Variants in SGCZ observed in about 807,000 individuals in gnomAD.
SGCZ encodes the protein sarcoglycan zeta, also known as zeta-sarcoglycan.
Under a neutral mutation model 41.3 loss-of-function variants are expected in SGCZ, and 40 were observed. The ratio of observed to expected loss-of-function variants is 0.97; its 90% confidence interval spans 0.75 to 1.26. SGCZ has a LOEUF of 1.26. Among genes scored for constraint, SGCZ ranks in the 50% most tolerant of loss-of-function variants. The pLI is 0.00. For missense variants in SGCZ, 552 were observed against 369.8 expected (o/e 1.49, Z -4.04); for synonymous variants, 206 against 137.5 (o/e 1.50, Z -3.49).
intron 1 of SGCZ, among the ~76,000 whole-genome samples, chr8:14,954,088 C>G (rs1563388255): frequency 1.3e-5 from 2 of 152,042 alleles, no homozygotes; most frequent in African/African-American, 4.8e-5. Context: ...CTTAATTTAG[C>G]CTTAAATTCA....
At chr8:14,695,805 G>C (rs1808942548) in intron 1 of SGCZ, among the ~76,000 whole-genome samples, 1 of 151,922 alleles carries the variant, frequency 6.6e-6, no homozygotes, top group Non-Finnish European at 1.5e-5. Flanking sequence ...AAAGTGATGA[G>C]GAGGGGGCCA....
chr8:14,594,824 G>A (rs373139561), intron 1 of SGCZ, among the ~76,000 whole-genome samples: 7 of 151,734 alleles, frequency 4.6e-5, no homozygotes, highest in East Asian at 1.9e-4. Flanking sequence ...ATGTTATGAC[G>A]TAAGACGTTT....
At chr8:15,001,134 G>C (rs925217012) in intron 1 of SGCZ, among the ~76,000 whole-genome samples, 1 of 152,216 alleles carries the variant, frequency 6.6e-6, no homozygotes, top group Non-Finnish European at 1.5e-5. Context: ...CAAAGATTGG[G>C]AGGATGAAAT....
chr8:14,812,309 T>G (rs1801761229), intron 1 of SGCZ, among the ~76,000 whole-genome samples: 1 of 152,074 alleles, frequency 6.6e-6, no homozygotes, highest in South Asian at 2.1e-4. Flanking sequence ...GTCTCTGCCC[T>G]GCTAAAAGGA....
chr8:14,470,923 A>G (rs767921430), intron 2 of SGCZ, among the ~76,000 whole-genome samples: 3 of 152,100 alleles, frequency 2.0e-5, no homozygotes, highest in African/African-American at 2.4e-5. Context: ...TGCTTATCAG[A>G]TCTTTAGTAA....
chr8:14,669,369 GTAAGTAAGTAAGTAAGTAAA>G (rs1363690069), intron 1 of SGCZ, among the ~76,000 whole-genome samples: 7 of 94,524 alleles, frequency 7.4e-5, no homozygotes, highest in African/African-American at 2.5e-4. Flanking sequence ...AAGTAAGTAA[GTAAGTAAGTAAGTAAGTAAA>G]TAAATAAATA....
chr8:14,873,930 A>T (rs12680572), intron 1 of SGCZ, among the ~76,000 whole-genome samples: 48,780 of 151,970 alleles, frequency 0.32, 11,523 homozygotes, highest in African/African-American at 0.66. Context: ...TTATAACTCA[A>T]GGAAAGAAAG....
At chr8:14,956,709 T>A (rs191643557) in intron 1 of SGCZ, among the ~76,000 whole-genome samples, 1 of 152,218 alleles carries the variant, frequency 6.6e-6, no homozygotes, top group African/African-American at 2.4e-5. Flanking sequence ...ATCATACAAC[T>A]AAATTCACAT....
intron 1 of SGCZ, among the ~76,000 whole-genome samples, chr8:15,130,145 G>A (rs1376525395): frequency 6.6e-6 from 1 of 152,130 alleles, no homozygotes; most frequent in African/African-American, 2.4e-5. Flanking sequence ...ATTTCTTAAA[G>A]GAATGTGTTG....
At chr8:14,229,372 G>C (rs984872047) in intron 4 of SGCZ, among the ~76,000 whole-genome samples, 2 of 151,966 alleles carry the variant, frequency 1.3e-5, no homozygotes, top group East Asian at 3.9e-4. Context: ...CAAAGACTGA[G>C]AGCTCTAATT....
chr8:14,968,015 T>C (rs901778456), intron 1 of SGCZ, among the ~76,000 whole-genome samples: 1 of 152,170 alleles, frequency 6.6e-6, no homozygotes, highest in African/African-American at 2.4e-5. Context: ...AAACATCTTG[T>C]ACAAAATTTA....
At chr8:14,668,773 A>G (rs1329857328) in intron 1 of SGCZ, among the ~76,000 whole-genome samples, 1 of 152,160 alleles carries the variant, frequency 6.6e-6, no homozygotes, top group Non-Finnish European at 1.5e-5. Context: ...GATTATTACT[A>G]TTGCATTATG....
intron 1 of SGCZ, among the ~76,000 whole-genome samples, chr8:14,851,136 A>G (rs935300120): frequency 3.9e-5 from 6 of 152,068 alleles, no homozygotes; most frequent in Admixed American, 6.6e-5. Context: ...TTGGGAGGCC[A>G]AGGCGGGCGG....
intron 7 of SGCZ, among the ~76,000 whole-genome samples, chr8:14,100,335 G>T (rs1448101360): frequency 6.6e-6 from 1 of 150,826 alleles, no homozygotes; most frequent in Non-Finnish European, 1.5e-5. Flanking sequence ...TTCTTATATG[G>T]GGCAAAATAG....
rs73533129 is a variant in SGCZ, at chr8:14,548,086, C to T, written c.234+6646G>A. Among the ~76,000 whole-genome samples, 474 of 152,126 alleles carry T rather than the reference C, an allele frequency of 3.1e-3. 4 individuals are homozygous for T. The highest frequency in any genetic ancestry group is 0.011 in the African/African-American group (457 of 41,506). On this transcript the variant is annotated intron_variant, in intron 2 of 7. Coordinates refer to ENST00000382080, the MANE Select transcript of SGCZ (RefSeq NM_139167.4). Reference sequence around the variant, plus strand: ...GTATATGTCAGGTACTTCTGGAACACTTTTATTATTTTAATTCTTTTGATT... The same window carrying T: ...GTATATGTCAGGTACTTCTGGAACATTTTTATTATTTTAATTCTTTTGATT...
intron 7 of SGCZ, among the ~76,000 whole-genome samples, chr8:14,094,597 CGT>C (rs1305711211): frequency 1.3e-5 from 2 of 152,062 alleles, no homozygotes; most frequent in Admixed American, 6.6e-5. Flanking sequence ...AGTAAACATA[CGT>C]GTGCATGTAT....
chr8:14,247,397 C>T (rs1233102388), intron 3 of SGCZ, among the ~76,000 whole-genome samples: 2 of 152,062 alleles, frequency 1.3e-5, no homozygotes, highest in African/African-American at 4.8e-5. Context: ...CTGCAGGGAG[C>T]AGTTTTACAC....
chr8:14,211,310 C>G (rs1447505501), intron 4 of SGCZ, among the ~76,000 whole-genome samples: 1 of 152,120 alleles, frequency 6.6e-6, no homozygotes, highest in Non-Finnish European at 1.5e-5. Context: ...CTCATGAACT[C>G]TACAGCCCAT....
intron 1 of SGCZ, among the ~76,000 whole-genome samples, chr8:14,645,827 A>C (rs1210979274): frequency 6.6e-6 from 1 of 151,684 alleles, no homozygotes; most frequent in Non-Finnish European, 1.5e-5. Context: ...ATTCACAGCA[A>C]ATTTTATTTT....
Sources: allele counts gnomAD v4.1 joint callset (sites outside exome capture counted in the v4.1 genomes callset), GRCh38; gene constraint gnomAD v4.1.1; transcripts MANE v1.5; gene names NCBI Gene and HGNC (gene_info 2026-07-23, HGNC 2026-07-21).